Variants in MINDY2 observed in about 807,000 individuals in gnomAD.
The protein encoded by MINDY2 is ubiquitin carboxyl-terminal hydrolase MINDY-2.
In MINDY2, 52 loss-of-function variants were observed where a neutral mutation model predicts 68.2. The observed-to-expected ratio is 0.76, with a 90% CI of 0.61 to 0.96. MINDY2 has a LOEUF of 0.96. Ranked by LOEUF, MINDY2 falls within the 40% of genes least tolerant of loss-of-function variation. The pLI is 0.00. For synonymous variants in MINDY2, 372 were observed against 303.0 expected (o/e 1.23, Z -2.36); for missense variants, 881 against 773.4 (o/e 1.14, Z -1.65).
At chr15:58,802,162 T>C (rs759462020) in intron 2 of MINDY2, 151 bp from the exon 3 acceptor site, 31 of 602,136 alleles carry the variant, frequency 5.1e-5, no homozygotes, top group African/African-American at 4.6e-4. Context: ...AAAGTTAACA[T>C]TGATTTTCTC....
At position 58,810,729 on chromosome 15, in the gene MINDY2, A is replaced by G. The variant is rs372256898; in HGVS notation, c.1122+341A>G. On this transcript the variant is annotated intron_variant, in intron 4 of 8. Transcript: ENST00000559228. ...TGACTAACAGGACTCCCTGAAACCT[A>G]TTATACTCACCATTACAGTTCATTA... is the stretch of plus-strand genomic sequence containing the variant. Among the ~76,000 whole-genome samples the G allele has an allele frequency of 5.6e-4, 85 of 152,314 alleles. No homozygotes were observed. In the Middle Eastern group the frequency reaches 0.014, roughly 24 times the overall value.
At chr15:58,841,198 G>T (rs1297837797) in intron 6 of MINDY2, among the ~76,000 whole-genome samples, 1 of 151,144 alleles carries the variant, frequency 6.6e-6, no homozygotes, top group African/African-American at 2.4e-5. Flanking sequence ...GACCAGGCTG[G>T]TGTTGAACTC....
At chr15:58,801,579 T>C (rs1902664841) in intron 2 of MINDY2, among the ~76,000 whole-genome samples, 1 of 152,118 alleles carries the variant, frequency 6.6e-6, no homozygotes, top group South Asian at 2.1e-4. Context: ...GTTATACATA[T>C]ATTTAAAAGG....
In MINDY2 at chr15:58,782,911, G is replaced by GTTTT. The variant is rs1157376592; in HGVS notation, c.841-4972_841-4969dup. Among the ~76,000 whole-genome samples, 85 of 64,492 alleles carry GTTTT rather than the reference G, an allele frequency of 1.3e-3. 10 individuals carry two copies. Among genetic ancestry groups the GTTTT allele is most frequent in the African/African-American group, 2.9e-3 (49 of 16,852 alleles). The allele number at this position is 64,492 out of a possible 152,430, so 42.3% of individuals were successfully genotyped here. The stretch of plus-strand genomic sequence containing the variant: ...TCAATATATTTAATTTTTTCTCTCT[G>GTTTT]TTTTTTTTTTTTTTTTTTTTTTTTT... On this transcript the variant is annotated intron_variant, in intron 1 of 8. Transcript: ENST00000559228.
intron 1 of MINDY2, among the ~76,000 whole-genome samples, chr15:58,787,090 A>C (rs1222523125): frequency 1.3e-5 from 2 of 151,808 alleles, no homozygotes; most frequent in African/African-American, 4.8e-5. Context: ...TTGGCCTTCC[A>C]AAGTGCTGGG....
intron 1 of MINDY2, among the ~76,000 whole-genome samples, chr15:58,780,477 T>C (rs1901062791): frequency 6.6e-6 from 1 of 152,068 alleles, no homozygotes; most frequent in Non-Finnish European, 1.5e-5. Flanking sequence ...TCACCCACTC[T>C]AGAACCAGAG....
chr15:58,796,808 C>T (rs924839222), intron 2 of MINDY2, among the ~76,000 whole-genome samples: 9 of 152,180 alleles, frequency 5.9e-5, no homozygotes, highest in African/African-American at 1.9e-4. Flanking sequence ...TAGGCATTAG[C>T]CACTGCACCT....
chr15:58,782,127 A>T (rs1300855851), intron 1 of MINDY2, among the ~76,000 whole-genome samples: 1 of 152,158 alleles, frequency 6.6e-6, no homozygotes, highest in Non-Finnish European at 1.5e-5. Flanking sequence ...TAAGTTTTTG[A>T]GTCCTTATTT....
chr15:58,820,860 ATTTTTATT>A lies in MINDY2; in HGVS notation c.1123-855_1123-848del, dbSNP rs1423088039. 2.2e-4 allele frequency among the ~76,000 whole-genome samples: 34 copies of A among 152,176 alleles called. No individual in the cohort carries two copies. The East Asian group carries it at 4.6e-3, about 21-fold the overall frequency. ...GTAGGAAGAAAACATTGGCCCTCTT[ATTTTTATT>A]TATGTAATTCTAAAATTTGTATTTG... On this transcript the variant is annotated intron_variant, in intron 4 of 8. Coordinates refer to ENST00000559228, the MANE Select transcript of MINDY2 (RefSeq NM_001040450.3).
chr15:58,854,406 T>G, intron 8 of MINDY2, 76 bp from the exon 9 acceptor site: 1 of 1,515,020 alleles, frequency 6.6e-7, no homozygotes, highest in Middle Eastern at 1.8e-4. Context: ...ACTGTTACAG[T>G]TTTCCTTTCT....
rs767087507 is a variant in MINDY2, at chr15:58,847,250, T to A, written c.1369-47T>A. On this transcript the variant is annotated intron_variant, in intron 6 of 8. Transcript: ENST00000559228. Reference sequence around the variant, plus strand: ...CTTTCCTTAAATATTATATTACTAGTTTTGATCAATTTAACAGTCCTTTTT... The same window carrying A: ...CTTTCCTTAAATATTATATTACTAGATTTGATCAATTTAACAGTCCTTTTT... The A allele has an allele frequency of 4.2e-6, 6 of 1,429,654 alleles. No individual in the cohort carries two copies. In the South Asian group the frequency reaches 7.3e-5, roughly 17 times the overall value. The allele number at this position is 1,429,654 out of a possible 1,614,324, so 88.6% of individuals were successfully genotyped here.
intron 4 of MINDY2, among the ~76,000 whole-genome samples, chr15:58,816,289 G>T (rs1267914658): frequency 1.3e-5 from 2 of 152,216 alleles, no homozygotes; most frequent in African/African-American, 4.8e-5. Flanking sequence ...AACATGTCCA[G>T]CAGTTTATAC....
At chr15:58,847,576 T>C (rs1197206823) in intron 7 of MINDY2, 106 bp downstream of exon 7, 2 of 917,406 alleles carry the variant, frequency 2.2e-6, no homozygotes, top group Non-Finnish European at 3.1e-6. Context: ...ATCAATATGC[T>C]TGTGAAATTT....
chr15:58,799,808 AC>A (rs1291614614), intron 2 of MINDY2, among the ~76,000 whole-genome samples: 1 of 152,156 alleles, frequency 6.6e-6, no homozygotes, highest in Non-Finnish European at 1.5e-5. Context: ...GAAACACGAT[AC>A]CTAGGAAGTG....
At chr15:58,831,715 G>T in intron 5 of MINDY2, 59 bp from the exon 6 acceptor site, 1 of 1,494,772 alleles carries the variant, frequency 6.7e-7, no homozygotes, top group Non-Finnish European at 9.1e-7. Context: ...AATAGAAAAA[G>T]AATAACTTTT....
intron 4 of MINDY2, among the ~76,000 whole-genome samples, chr15:58,821,010 CCT>C (rs2031027272): frequency 6.6e-6 from 1 of 150,900 alleles, no homozygotes; most frequent in African/African-American, 2.4e-5. Context: ...ACAGTAGAAA[CCT>C]CTTTTTCTTC....
At chr15:58,839,054 A>G (rs1595770386) in intron 6 of MINDY2, among the ~76,000 whole-genome samples, 1 of 152,250 alleles carries the variant, frequency 6.6e-6, no homozygotes, top group Non-Finnish European at 1.5e-5. Context: ...ACCAATTTCT[A>G]TAGGAATTTA....
rs1308775669 is a variant in MINDY2, at chr15:58,788,092, T to G, written c.898+129T>G. On this transcript the variant is annotated intron_variant, in intron 2 of 8. Coordinates refer to ENST00000559228, the MANE Select transcript of MINDY2 (RefSeq NM_001040450.3). The stretch of plus-strand genomic sequence containing the variant: ...TTTAAAATTATAGTTTTGAATCTGC[T>G]AATTAAAAATTTTTATCAGTATGTT... 7 of 574,862 alleles carry G rather than the reference T, an allele frequency of 1.2e-5. No homozygotes were observed. In the South Asian group the frequency reaches 2.0e-4, roughly 16 times the overall value. 35.6% of individuals were successfully genotyped at this position (574,862 alleles called of 1,614,324 possible). A position where few individuals can be genotyped will look rare whatever the true frequency, so the allele number is the denominator to read the frequency against.
intron 4 of MINDY2, among the ~76,000 whole-genome samples, chr15:58,821,126 T>C (rs1328399652): frequency 1.3e-5 from 2 of 151,756 alleles, no homozygotes; most frequent in African/African-American, 2.4e-5. Flanking sequence ...AAAACAAAGA[T>C]TAAATAAGAA....
Sources: gnomAD v4.1 joint callset for allele counts (sites outside exome capture counted in the v4.1 genomes callset) on GRCh38, gnomAD v4.1.1 for gene constraint, MANE v1.5 for transcripts, NCBI Gene and HGNC (gene_info 2026-07-23, HGNC 2026-07-21) for gene names.